Variants in COMP observed in about 807,000 individuals in gnomAD.
COMP encodes the protein cartilage oligomeric matrix protein.
In COMP, 79 loss-of-function variants were observed where a neutral mutation model predicts 95.8. That is an observed-to-expected ratio of 0.82 (90% CI 0.69 to 0.99). The LOEUF is 0.99. COMP is among the 50% of genes least tolerant of loss of function. COMP has a pLI of 0.00. For missense variants in COMP, 906 were observed against 1,076.1 expected, an observed-to-expected ratio of 0.84 and a Z score of 2.21; for synonymous variants, 438 against 433.9, an observed-to-expected ratio of 1.01 and a Z score of -0.12.
In COMP at chr19:18,788,192, G is replaced by A. The variant is rs758901265; in HGVS notation, c.975+20C>T. On this transcript the variant is annotated intron_variant, in intron 9 of 18. Coordinates refer to ENST00000222271, the MANE Select transcript of COMP (RefSeq NM_000095.3). The surrounding 1 kb of genome is among the most constrained non-coding windows in gnomAD (Gnocchi z 4.7). ...GCTGGGATTACAGGAGTGAACCACCGTGCCGAGCCGTAGATCTACCTTTTC... is the reference window on the plus strand; with the variant it reads ...GCTGGGATTACAGGAGTGAACCACCATGCCGAGCCGTAGATCTACCTTTTC... The A allele has an allele frequency of 4.4e-6, 7 of 1,601,594 alleles. No homozygotes were observed. The highest frequency in any genetic ancestry group is 1.1e-5 in the South Asian group (1 of 90,738).
chr19:18,787,598 TTG>T lies in COMP; in HGVS notation c.1026_1027del (p.Asp342GlufsTer47). The T allele has an allele frequency of 6.2e-7, 1 of 1,614,056 alleles. No homozygotes were observed. Among genetic ancestry groups the T allele is most frequent in the Non-Finnish European group, 8.5e-7 (1 of 1,180,026 alleles). ...GCAGTTGTCGCACGCATCGCCCCAC[TTG>T]TCCTCGTCCGTGTTGCGCTGGTCTG... On this transcript the variant is annotated frameshift_variant, in exon 10 of 19. Coordinates refer to ENST00000222271, the MANE Select transcript of COMP (RefSeq NM_000095.3). LOFTEE classifies it high-confidence loss of function.
In COMP at chr19:18,789,342, G is replaced by A; in HGVS notation, c.391-45C>T. 7.0e-7 allele frequency: 1 copy of A among 1,432,798 alleles called. No homozygotes were observed. The highest frequency in any genetic ancestry group is 1.4e-5 in the African/African-American group (1 of 69,386). The allele number at this position is 1,432,798 out of a possible 1,614,324, so 88.8% of individuals were successfully genotyped here. A position where few individuals can be genotyped will look rare whatever the true frequency, so the allele number is the denominator to read the frequency against. ...AGAGGGTCAGAGGGCTTCGAGCTGG[G>A]CCCTGGGGGCCGCACCTCGTAGTGT... On this transcript the variant is annotated intron_variant, in intron 4 of 18. Transcript: ENST00000222271. The surrounding 1 kb of genome is among the most constrained non-coding windows in gnomAD (Gnocchi z 6.1).
At chr19:18,785,304 C>T (rs1445727479) in intron 15 of COMP, among the ~76,000 whole-genome samples, 194 bp downstream of exon 15, 1 of 149,594 alleles carries the variant, frequency 6.7e-6, no homozygotes, top group African/African-American at 2.5e-5. Flanking sequence ...CCTTCCCGAG[C>T]CCGCCCCTCC....
chr19:18,788,779 A>C lies in COMP; in HGVS notation c.604-29T>G. On this transcript the variant is annotated intron_variant, in intron 6 of 18. Transcript: ENST00000222271. The surrounding 1 kb of genome is among the most constrained non-coding windows in gnomAD (Gnocchi z 4.7). ...CGCCGGAGCCGCCGGAGGTCAGCGC[A>C]GGCCGCCCGCCGCTCGCCCCACCTC... The C allele has an allele frequency of 6.2e-7, 1 of 1,602,982 alleles. No homozygotes were observed. Among genetic ancestry groups the C allele is most frequent in the Non-Finnish European group, 8.5e-7 (1 of 1,175,304 alleles).
chr19:18,789,807 T>C lies in COMP; in HGVS notation c.390+135A>G, dbSNP rs1433913683. The C allele has an allele frequency of 8.7e-7, 1 of 1,150,492 alleles. No individual in the cohort carries two copies. The highest frequency in any genetic ancestry group is 1.5e-5 in the African/African-American group (1 of 65,558). The allele number at this position is 1,150,492 out of a possible 1,614,324, so 71.3% of individuals were successfully genotyped here. A position where few individuals can be genotyped will look rare whatever the true frequency, so the allele number is the denominator to read the frequency against. On this transcript the variant is annotated intron_variant, in intron 4 of 18. Coordinates refer to ENST00000222271, the MANE Select transcript of COMP (RefSeq NM_000095.3). The surrounding 1 kb of genome is among the most constrained non-coding windows in gnomAD (Gnocchi z 6.1). ...GTCCCCCCGCGGTAAGGAGGTAGTC[T>C]GGCCGTGCGCCCCCGGAGGTGAGAG...
intron 1 of COMP, 74 bp downstream of exon 1, chr19:18,791,117 G>T: frequency 1.3e-6 from 2 of 1,530,994 alleles, no homozygotes. Flanking sequence ...AAACAGCCTG[G>T]ATCCCGGGCC....
chr19:18,790,093 G>A lies in COMP; in HGVS notation c.239C>T (p.Thr80Ile). Residue 80 changes from threonine to isoleucine, a missense_variant, in exon 4 of 19, where the codon ACC becomes ATC. Thr to Ile is a moderately conservative substitution (Grantham distance 89, BLOSUM62 -1). Transcript: ENST00000222271. ...DACGMQQSVR[T>I]GLPSVRPLLH... ...CAGGGGCCGCACGCTGGGTAGGCCG[G>A]TGCGTACTGACTGCTGCATCCCTGC... 6.5e-7 allele frequency: 1 copy of A among 1,540,012 alleles called. No individual in the cohort carries two copies. The highest frequency in any genetic ancestry group is 8.7e-7 in the Non-Finnish European group (1 of 1,146,474).
At position 18,791,011 on chromosome 19, in the gene COMP, C is replaced by T. The variant is rs573925188; in HGVS notation, c.80-76G>A. Reference sequence around the variant, plus strand: ...CACCAACTCCCACCGTTGCAGCGAACCCGGACCTCCGAGGCCCCACTGCGC... The same window carrying T: ...CACCAACTCCCACCGTTGCAGCGAATCCGGACCTCCGAGGCCCCACTGCGC... On this transcript the variant is annotated intron_variant, in intron 1 of 18. Transcript: ENST00000222271. The T allele has an allele frequency of 2.3e-5, 36 of 1,535,942 alleles. No homozygotes were observed. In the East Asian group the frequency reaches 7.8e-4, roughly 33 times the overall value.
chr19:18,790,663 CG>C (rs776407755), intron 2 of COMP, 50 bp from the exon 3 acceptor site: 1 of 1,613,412 alleles, frequency 6.2e-7, no homozygotes, highest in Non-Finnish European at 8.5e-7. Context: ...CCTCATCCCT[CG>C]GGTCTCCCCT....
chr19:18,786,918 G>A (rs1427359679), intron 10 of COMP: 6 of 403,690 alleles, frequency 1.5e-5, no homozygotes, highest in Non-Finnish European at 2.7e-5. Context: ...GATTACAGGT[G>A]TGCGCCACCA....
chr19:18,783,640 A>C (rs1223287174), intron 17 of COMP, among the ~76,000 whole-genome samples: 1 of 141,938 alleles, frequency 7.0e-6, no homozygotes, highest in Non-Finnish European at 1.5e-5. Flanking sequence ...ACAGAGTCTC[A>C]CTCTTGTCAC....
intron 10 of COMP, 56 bp from the exon 11 acceptor site, chr19:18,786,706 C>T: frequency 8.0e-7 from 1 of 1,244,030 alleles, no homozygotes; most frequent in Non-Finnish European, 1.1e-6. Context: ...AGAATGACTT[C>T]ATTAGGATGA....
At position 18,785,084 on chromosome 19, in the gene COMP, C is replaced by T; in HGVS notation, c.1726G>A (p.Ala576Thr). The T allele has an allele frequency of 6.2e-7, 1 of 1,614,006 alleles. No individual in the cohort carries two copies. The highest frequency in any genetic ancestry group is 8.5e-7 in the Non-Finnish European group (1 of 1,179,976). ...SDPGLAVGYT[A>T]FNGVDFEGTF... ...CCCTCGAAGTCCACGCCATTGAAGGCAGTGTAACCTAGGGATGGAAAGAGA... is the reference window on the plus strand; with the variant it reads ...CCCTCGAAGTCCACGCCATTGAAGGTAGTGTAACCTAGGGATGGAAAGAGA... The change falls in exon 16 of 19, where the codon GCC (alanine) becomes ACC (threonine). Residue 576 changes from alanine (A) to threonine (T), a missense_variant. Transcript: ENST00000222271.
In COMP at chr19:18,786,094, T is replaced by C; in HGVS notation, c.1360A>G (p.Ser454Gly). Residue 454 changes from serine to glycine, a missense_variant, in exon 13 of 19, where the codon AGT becomes GGT. By Grantham distance (56) the Ser-to-Gly change is moderately conservative. Coordinates refer to ENST00000222271, the MANE Select transcript of COMP (RefSeq NM_000095.3). ...TCGTGGTCTGAGTCCTCCTGGGCAC[T>C]GTTAGGCACCGTGGGACAGTTGTCC... The part of the protein sequence containing the change: ...SRDNCPTVPN[S>G]AQEDSDHDGQ... 1 of 1,614,152 alleles carries C rather than the reference T, an allele frequency of 6.2e-7. No homozygotes were observed. The highest frequency in any genetic ancestry group is 2.2e-5 in the East Asian group (1 of 44,886).
At chr19:18,790,999 C>T (rs2055209544) in intron 1 of COMP, 64 bp from the exon 2 acceptor site, 1 of 1,540,284 alleles carries the variant, frequency 6.5e-7, no homozygotes, top group Admixed American at 2.0e-5. Context: ...CAACTCCCAC[C>T]GTTGCAGCGA....
Position 18,791,196 on chromosome 19 carries a change from G to T in COMP, c.74C>A (p.Pro25Gln). ...CGGGTGCTAACGCGGCTTACCCAAC[G>T]GGCTCTGGCCCTGTCCGGACGCGCC... The part of the protein sequence containing the change: ...ALGASGQGQS[P>Q]LGSDLGPQML... Residue 25 changes from proline (P) to glutamine (Q), a missense_variant, in exon 1 of 19, where the codon CCG becomes CAG. Transcript: ENST00000222271. 1 of 1,585,402 alleles carries T rather than the reference G, an allele frequency of 6.3e-7. No homozygotes were observed. Among genetic ancestry groups the T allele is most frequent in the East Asian group, 2.3e-5 (1 of 43,796 alleles).
Position 18,788,681 on chromosome 19 carries a change from C to G in COMP, c.673G>C (p.Ala225Pro). 6.5e-7 allele frequency: 1 copy of G among 1,542,068 alleles called. No homozygotes were observed. The highest frequency in any genetic ancestry group is 8.7e-7 in the Non-Finnish European group (1 of 1,145,132). The stretch of plus-strand genomic sequence containing the variant: ...GAGCCGTCGGGGCAGAAGCGCTGTG[C>G]GCGCCGCTGGCAGCCGGACGCCTGG... The part of the protein sequence containing the change: ...GDQASGCQRR[A>P]QRFCPDGSPS... Residue 225 changes from alanine to proline, a missense_variant, in exon 7 of 19, where the codon GCA becomes CCA. Coordinates refer to ENST00000222271, the MANE Select transcript of COMP (RefSeq NM_000095.3). The surrounding 1 kb of genome is among the most constrained non-coding windows in gnomAD (Gnocchi z 4.7).
At chr19:18,791,118 A>C (rs1421072765) in intron 1 of COMP, 73 bp downstream of exon 1, 2 of 1,531,388 alleles carry the variant, frequency 1.3e-6, no homozygotes. Flanking sequence ...AACAGCCTGG[A>C]TCCCGGGCCT....
Position 18,785,763 on chromosome 19 carries a change from G to A in COMP, c.1578C>T (p.Val526=), listed in dbSNP as rs2055161474. The A allele has an allele frequency of 6.2e-7, 1 of 1,613,346 alleles. No homozygotes were observed. The highest frequency in any genetic ancestry group is 1.3e-5 in the African/African-American group (1 of 74,940). The stretch of plus-strand genomic sequence containing the variant: ...GGAAGGCCCTGAAGTCGGTGAGCGT[G>A]ACTTCAGCGTTCTCCGGACACACGT... The part of the protein sequence containing the change: ...KIDVCPENAE[V]TLTDFRAFQT... The change falls in exon 14 of 19, where the codon GTC becomes GTT. Residue 526 remains valine (V), a synonymous_variant. Coordinates refer to ENST00000222271, the MANE Select transcript of COMP (RefSeq NM_000095.3).
Sources: gnomAD v4.1 joint callset for allele counts (sites outside exome capture counted in the v4.1 genomes callset) on GRCh38, gnomAD v4.1.1 for gene constraint, Gnocchi (gnomAD v3.1) non-coding constraint, MANE v1.5 for transcripts, NCBI Gene and HGNC (gene_info 2026-07-23, HGNC 2026-07-21) for gene names.